Variants in EMC2 observed in about 807,000 individuals in gnomAD.
EMC2 encodes the protein TPR repeat protein 35.
Under a neutral mutation model 51.6 loss-of-function variants are expected in EMC2, and 37 were observed. That is an observed-to-expected ratio of 0.72 (90% CI 0.55 to 0.94). EMC2 has a LOEUF of 0.94. Among genes scored for constraint, EMC2 ranks in the 40% least tolerant of loss-of-function variants. The probability of loss-of-function intolerance (pLI) is 0.00; values close to 1 mark genes in which losing one functional copy is unlikely to be tolerated. For missense variants in EMC2, 359 were observed against 350.9 expected, an observed-to-expected ratio of 1.02 and a Z score of -0.18; for synonymous variants, 131 against 112.4, an observed-to-expected ratio of 1.17 and a Z score of -1.04.
At chr8:108,474,578 TAC>T (rs1810915213) in intron 7 of EMC2, 3 of 149,934 alleles carry the variant, frequency 2.0e-5, no homozygotes, top group South Asian at 2.1e-4. Flanking sequence ...CACACACACA[TAC>T]ATATATATAT....
intron 5 of EMC2, among the ~76,000 whole-genome samples, chr8:108,457,910 A>C (rs1455146525): frequency 6.6e-6 from 1 of 152,228 alleles, no homozygotes; most frequent in South Asian, 2.1e-4. Context: ...CATCTGAGAT[A>C]AGGCAAGTCC....
chr8:108,460,447 A>G (rs971999751), intron 5 of EMC2, among the ~76,000 whole-genome samples: 4 of 152,216 alleles, frequency 2.6e-5, no homozygotes, highest in East Asian at 1.9e-4. Flanking sequence ...TTGTAATCCA[A>G]AGTGCCTCAA....
chr8:108,459,146 A>G (rs913460408), intron 5 of EMC2, among the ~76,000 whole-genome samples: 1 of 152,156 alleles, frequency 6.6e-6, no homozygotes, highest in African/African-American at 2.4e-5. Context: ...CCTGAATTTC[A>G]TTGTCCGTAT....
rs746883708 is a variant in EMC2 at position 108,476,015 on chromosome 8, T to C, written c.591+52T>C. The stretch of plus-strand genomic sequence containing the variant: ...TAATTTTATTTTGGTTACTATTCGG[T>C]GTTATTATGGAACTAAGAATATTTC... On this transcript the variant is annotated intron_variant, in intron 8 of 10. Transcript: ENST00000220853. The C allele has an allele frequency of 6.2e-6, 6 of 964,260 alleles. No homozygotes were observed. In the South Asian group the frequency reaches 9.1e-5, roughly 15 times the overall value. 59.7% of individuals were successfully genotyped at this position (964,260 alleles called of 1,614,324 possible).
intron 5 of EMC2, among the ~76,000 whole-genome samples, chr8:108,460,544 A>G (rs942184205): frequency 1.4e-4 from 22 of 152,208 alleles, no homozygotes; most frequent in African/African-American, 4.8e-4. Context: ...TCAAAACACA[A>G]TGAAAACTTT....
intron 3 of EMC2, among the ~76,000 whole-genome samples, chr8:108,451,058 C>T (rs953419541): frequency 6.6e-6 from 1 of 152,100 alleles, no homozygotes; most frequent in Non-Finnish European, 1.5e-5. Context: ...AAAAAATCAG[C>T]CAGGCGTGGT....
At chr8:108,459,541 A>C (rs1819255501) in intron 5 of EMC2, among the ~76,000 whole-genome samples, 1 of 152,116 alleles carries the variant, frequency 6.6e-6, no homozygotes, top group African/African-American at 2.4e-5. Flanking sequence ...CCCATTTTAA[A>C]ACTATCAGAT....
chr8:108,451,422 C>T (rs1586176030), intron 3 of EMC2, among the ~76,000 whole-genome samples: 1 of 152,016 alleles, frequency 6.6e-6, no homozygotes, highest in South Asian at 2.1e-4. Flanking sequence ...TAATGTTGTT[C>T]CTATCATCTT....
intron 5 of EMC2, among the ~76,000 whole-genome samples, chr8:108,456,359 A>AAAAAAAAAAAAAAAAAAAAAAAAAAC (rs1819158373): frequency 6.7e-6 from 1 of 149,956 alleles, no homozygotes; most frequent in African/African-American, 2.5e-5. Flanking sequence ...AAAAAAAAAA[A>AAAAAAAAAAAAAAAAAAAAAAAAAAC]AACAACTTCT....
At chr8:108,470,294 C>G (rs2130389014) in intron 7 of EMC2, among the ~76,000 whole-genome samples, 173 bp downstream of exon 7, 1 of 152,254 alleles carries the variant, frequency 6.6e-6, no homozygotes, top group East Asian at 1.9e-4. Flanking sequence ...ATTCACTGGT[C>G]ATAATAAGTG....
At chr8:108,483,491 A>T (rs1811082833) in intron 10 of EMC2, among the ~76,000 whole-genome samples, 1 of 152,156 alleles carries the variant, frequency 6.6e-6, no homozygotes, top group Non-Finnish European at 1.5e-5. Flanking sequence ...TTCATAGGTT[A>T]TGTGCTCTTC....
intron 1 of EMC2, among the ~76,000 whole-genome samples, chr8:108,446,901 A>G (rs888383214): frequency 2.6e-5 from 4 of 152,068 alleles, no homozygotes; most frequent in African/African-American, 9.7e-5. Context: ...TATAGGTAAA[A>G]TGTTGCTTGT....
chr8:108,480,454 A>G (rs560561180), intron 10 of EMC2, among the ~76,000 whole-genome samples: 60 of 152,218 alleles, frequency 3.9e-4, no homozygotes, highest in African/African-American at 1.4e-3. Context: ...ACCTCTTTGT[A>G]TAGCCGGTCT....
chr8:108,486,653 G>A lies in EMC2; in HGVS notation c.*55G>A. 6.6e-7 allele frequency: 1 copy of A among 1,507,384 alleles called. No homozygotes were observed. Among genetic ancestry groups the A allele is most frequent in the South Asian group, 1.3e-5 (1 of 76,308 alleles). The allele number at this position is 1,507,384 out of a possible 1,614,324, so 93.4% of individuals were successfully genotyped here. ...CACAACTGCACAATTGAACTTATTG[G>A]CCTGTAACTTATTTACTAAATGCTC... On this transcript the variant is annotated 3_prime_UTR_variant, in exon 11 of 11. Transcript: ENST00000220853.
intron 5 of EMC2, among the ~76,000 whole-genome samples, chr8:108,466,497 G>A (rs1405274823): frequency 7.4e-6 from 1 of 135,790 alleles, no homozygotes; most frequent in African/African-American, 2.8e-5. Context: ...CTGTTGCCCA[G>A]GCTGGATTGC....
At chr8:108,445,664 T>G (rs1040584867) in intron 1 of EMC2, among the ~76,000 whole-genome samples, 1 of 152,208 alleles carries the variant, frequency 6.6e-6, no homozygotes, top group African/African-American at 2.4e-5. Flanking sequence ...GATTATGTAT[T>G]CTATTCTAAT....
chr8:108,445,671 T>G (rs899102192), intron 1 of EMC2, among the ~76,000 whole-genome samples: 2 of 152,156 alleles, frequency 1.3e-5, no homozygotes, highest in African/African-American at 4.8e-5. Context: ...TATTCTATTC[T>G]AATACTATTG....
At chr8:108,451,493 A>AT (rs1382864554) in intron 3 of EMC2, among the ~76,000 whole-genome samples, 1 of 152,148 alleles carries the variant, frequency 6.6e-6, no homozygotes, top group Non-Finnish European at 1.5e-5. Context: ...ATATGCAAAA[A>AT]CAAAAAATTG....
chr8:108,470,177 C>A, intron 7 of EMC2, 56 bp downstream of exon 7: 3 of 1,203,884 alleles, frequency 2.5e-6, no homozygotes, highest in South Asian at 2.5e-5. Flanking sequence ...ACTGTAAGTT[C>A]AGAAAGCACT....
Sources: gnomAD v4.1 joint callset for allele counts (sites outside exome capture counted in the v4.1 genomes callset) on GRCh38, gnomAD v4.1.1 for gene constraint, MANE v1.5 for transcripts, NCBI Gene and HGNC (gene_info 2026-07-23, HGNC 2026-07-21) for gene names.